The following NEURL1 variants were observed in gnomAD, a reference collection of about 807,000 sequenced individuals.
The protein encoded by NEURL1 is neuralized E3 ubiquitin protein ligase 1, also known as E3 ubiquitin-protein ligase NEURL1.
NEURL1 carries 26 observed loss-of-function variants against 41.2 expected under a neutral mutation model. That is an observed-to-expected ratio of 0.63 (90% confidence interval 0.46 to 0.87). The LOEUF (loss-of-function observed/expected upper bound fraction) is 0.87. Ranked by LOEUF, NEURL1 falls within the 40% of genes least tolerant of loss-of-function variation. NEURL1 has a pLI of 0.00. For missense variants in NEURL1, 761 were observed against 871.1 expected (o/e 0.87, Z 1.59); for synonymous variants, 400 against 402.3 (o/e 0.99, Z 0.07).
intron 4 of NEURL1, among the ~76,000 whole-genome samples, chr10:103,589,159 C>T (rs1331010856): frequency 2.0e-5 from 3 of 152,016 alleles, no homozygotes; most frequent in Admixed American, 6.6e-5. Context: ...ATACATGCTC[C>T]GGCCCAGGAA....
rs755198069 is a variant in NEURL1, at chr10:103,590,170, C to T, written c.1523C>T (p.Ser508Leu). ...APNSPVSLPE[S>L]PVTPGLGQWS... ...AATTCGCCAGTGAGCCTGCCCGAGT[C>T]GCCAGTGACCCCAGGTCTGGGCCAG... is the stretch of plus-strand genomic sequence containing the variant. Residue 508 changes from serine to leucine, a missense_variant, in exon 6 of 6, where the codon TCG becomes TTG. Physicochemically the swap from Ser to Leu is moderately radical, Grantham distance 145 (BLOSUM62 -2). Transcript: ENST00000369780. The T allele has an allele frequency of 2.3e-5, 37 of 1,614,170 alleles. No individual in the cohort carries two copies. In the East Asian group the frequency reaches 6.0e-4, roughly 26 times the overall value.
intron 1 of NEURL1, among the ~76,000 whole-genome samples, chr10:103,520,404 C>T (rs150322309): frequency 0.025 from 3,788 of 151,644 alleles, 158 homozygotes; most frequent in African/African-American, 0.085. Flanking sequence ...CAGGCAGGGG[C>T]GAGGGTCACA....
intron 1 of NEURL1, among the ~76,000 whole-genome samples, chr10:103,511,002 G>C (rs12780686): frequency 1.3e-5 from 2 of 152,034 alleles, no homozygotes; most frequent in Admixed American, 1.3e-4. Context: ...GGCCTTGAAT[G>C]GGGGGGCTCC....
intron 3 of NEURL1, among the ~76,000 whole-genome samples, chr10:103,580,081 C>T (rs2035754562): frequency 6.6e-6 from 1 of 152,156 alleles, no homozygotes; most frequent in Non-Finnish European, 1.5e-5. Context: ...CACAGTAGGT[C>T]AGTGAGTAGG....
chr10:103,583,603 G>A (rs1373177066), intron 3 of NEURL1, among the ~76,000 whole-genome samples: 1 of 149,688 alleles, frequency 6.7e-6, no homozygotes, highest in African/African-American at 2.5e-5. Context: ...AGCTACTTGG[G>A]AGGCTGAGGT....
intron 1 of NEURL1, among the ~76,000 whole-genome samples, chr10:103,517,128 G>A (rs2034234064): frequency 6.6e-6 from 1 of 151,242 alleles, no homozygotes; most frequent in South Asian, 2.1e-4. Context: ...CTGGGCTCAA[G>A]GGATCCTCCC....
At chr10:103,544,451 C>T (rs182696142) in intron 1 of NEURL1, among the ~76,000 whole-genome samples, 2 of 152,138 alleles carry the variant, frequency 1.3e-5, no homozygotes, top group Admixed American at 1.3e-4. Flanking sequence ...TTGCCTCCCC[C>T]CAAATGATCC....
chr10:103,519,632 C>T (rs2034299977), intron 1 of NEURL1, among the ~76,000 whole-genome samples: 2 of 152,092 alleles, frequency 1.3e-5, no homozygotes, highest in South Asian at 2.1e-4. Context: ...TTAAGGAACC[C>T]CTTAAGGGCT....
intron 3 of NEURL1, among the ~76,000 whole-genome samples, chr10:103,584,146 G>C (rs566669691): frequency 1.3e-5 from 2 of 152,274 alleles, no homozygotes; most frequent in East Asian, 3.9e-4. Flanking sequence ...GTTACTGTTT[G>C]TCAACAGAAT....
chr10:103,565,719 C>G (rs2035408779), intron 1 of NEURL1, among the ~76,000 whole-genome samples: 1 of 152,174 alleles, frequency 6.6e-6, no homozygotes, highest in African/African-American at 2.4e-5. Context: ...TGCAATGGTG[C>G]TCTCACGGCT....
At chr10:103,519,328 A>G (rs1252525578) in intron 1 of NEURL1, among the ~76,000 whole-genome samples, 1 of 152,212 alleles carries the variant, frequency 6.6e-6, no homozygotes, top group Non-Finnish European at 1.5e-5. Context: ...CCCAAAAGAG[A>G]GTATGGTCAG....
Position 103,553,197 on chromosome 10 carries a change from C to T in NEURL1, c.86-17675C>T, listed in dbSNP as rs566982288. ...TCCTCATCTGTAAAATGGGCATACA[C>T]ATACACTGATCTCTTAGGGTTGTCG... On this transcript the variant is annotated intron_variant, in intron 1 of 5. Coordinates refer to ENST00000369780, the MANE Select transcript of NEURL1 (RefSeq NM_004210.5). Among the ~76,000 whole-genome samples, 80 of 152,352 alleles carry T rather than the reference C, an allele frequency of 5.3e-4. 2 individuals are homozygous for T. In the South Asian group the frequency reaches 0.016, roughly 30 times the overall value.
rs917828875 is a variant in NEURL1, at chr10:103,494,324, C to T, written c.-64C>T. On this transcript the variant is annotated 5_prime_UTR_variant, in exon 1 of 6. Coordinates refer to ENST00000369780, the MANE Select transcript of NEURL1 (RefSeq NM_004210.5). ...CCCGCGCGCGCACACTCGCACACCG[C>T]ACCTCAGCGCCTGCCCGGCCTCGCC... is the stretch of plus-strand genomic sequence containing the variant. 2.1e-6 allele frequency: 3 copies of T among 1,395,594 alleles called. No homozygotes were observed. In the African/African-American group the frequency reaches 4.4e-5, roughly 21 times the overall value. The allele number at this position is 1,395,594 out of a possible 1,614,324, so 86.5% of individuals were successfully genotyped here.
chr10:103,543,566 C>T (rs2133864816), intron 1 of NEURL1, among the ~76,000 whole-genome samples: 1 of 152,312 alleles, frequency 6.6e-6, no homozygotes, highest in Admixed American at 6.5e-5. Flanking sequence ...ATGGAGTGAC[C>T]ACCTTGTCAG....
At chr10:103,507,487 T>C (rs2033974306) in intron 1 of NEURL1, among the ~76,000 whole-genome samples, 1 of 151,984 alleles carries the variant, frequency 6.6e-6, no homozygotes, top group Non-Finnish European at 1.5e-5. Flanking sequence ...CTTTAGAAGG[T>C]CAACTTGAAG....
intron 1 of NEURL1, among the ~76,000 whole-genome samples, chr10:103,565,568 G>A (rs2035405354): frequency 6.6e-6 from 1 of 152,206 alleles, no homozygotes; most frequent in Non-Finnish European, 1.5e-5. Flanking sequence ...GAGCTGATGG[G>A]GGTGCCGTGG....
intron 3 of NEURL1, among the ~76,000 whole-genome samples, chr10:103,581,670 T>A (rs1369151148): frequency 6.6e-6 from 1 of 152,208 alleles, no homozygotes; most frequent in Admixed American, 6.5e-5. Context: ...TAGGTTGCAT[T>A]ATTAGAAGTA....
chr10:103,495,182 T>C (rs58846351), intron 1 of NEURL1, among the ~76,000 whole-genome samples: 3,728 of 152,254 alleles, frequency 0.024, 168 homozygotes, highest in African/African-American at 0.086. Flanking sequence ...ATTCGGAGCC[T>C]GCCATTCCTG....
intron 1 of NEURL1, among the ~76,000 whole-genome samples, chr10:103,539,232 C>A (rs557135720): frequency 1.1e-4 from 17 of 152,312 alleles, no homozygotes; most frequent in African/African-American, 3.8e-4. Context: ...AGGCATGAGC[C>A]ACTGCACCCA....
Sources: gnomAD v4.1 joint callset for allele counts (sites outside exome capture counted in the v4.1 genomes callset) on GRCh38, gnomAD v4.1.1 for gene constraint, MANE v1.5 for transcripts, NCBI Gene and HGNC (gene_info 2026-07-23, HGNC 2026-07-21) for gene names.